Variants in CORO1B observed in about 807,000 individuals in gnomAD.
CORO1B encodes the protein coronin-1B.
A neutral mutation model predicts 51.1 loss-of-function variants in CORO1B; 30 were observed. That is an observed-to-expected ratio of 0.59 (90% CI 0.44 to 0.80). The LOEUF (loss-of-function observed/expected upper bound fraction) is 0.80, where lower values mean the gene tolerates loss of function less well. Ranked by LOEUF, CORO1B falls within the 30% of genes least tolerant of loss-of-function variation. The pLI is 0.00. For missense variants in CORO1B, 648 were observed against 700.4 expected (o/e 0.93, Z 0.84); for synonymous variants, 310 against 289.7 (o/e 1.07, Z -0.71).
intron 1 of CORO1B, 50 bp downstream of exon 1, chr11:67,443,354 C>T (rs1864434221): frequency 2.1e-6 from 1 of 476,662 alleles, no homozygotes; most frequent in Non-Finnish European, 2.7e-6. Context: ...CCCCTGCAGC[C>T]CCGCCCAGCC....
chr11:67,442,382 G>A lies in CORO1B; in HGVS notation c.201+46C>T, dbSNP rs767953020. ...CAAGGTGTGCAGAAAGGCCCAGTAG[G>A]GGTGGCCGAGGTGCCTCCTCTTCCC... On this transcript the variant is annotated intron_variant, in intron 2 of 10. Transcript: ENST00000341356. 3 of 1,584,230 alleles carry A rather than the reference G, an allele frequency of 1.9e-6. No homozygotes were observed. The East Asian group carries it at 6.7e-5, about 35-fold the overall frequency.
At chr11:67,442,219 G>C (rs928951167) in intron 2 of CORO1B, 131 bp from the exon 3 acceptor site, 50 of 1,469,536 alleles carry the variant, frequency 3.4e-5, no homozygotes, top group Non-Finnish European at 4.6e-5. Context: ...CCACTTGCCA[G>C]GTGAGCAGGA....
rs1001510902 is a variant in CORO1B, at chr11:67,437,490, C to T, written c.*886G>A. ...AGAGAAAGGTTCAGCCTCTGCCATA[C>T]TCCTCTTAGGTCTCACCTCTTCCCT... On this transcript the variant is annotated 3_prime_UTR_variant, in exon 11 of 11. Transcript: ENST00000341356. 5 of 1,136,898 alleles carry T rather than the reference C, an allele frequency of 4.4e-6. No homozygotes were observed. The highest frequency in any genetic ancestry group is 1.6e-5 in the African/African-American group (1 of 62,792). 70.4% of individuals were successfully genotyped at this position (1,136,898 alleles called of 1,614,324 possible). A position where few individuals can be genotyped will look rare whatever the true frequency, so the allele number is the denominator to read the frequency against.
chr11:67,439,884 C>G, intron 8 of CORO1B, 41 bp from the exon 9 acceptor site: 6 of 1,513,638 alleles, frequency 4.0e-6, no homozygotes, highest in Non-Finnish European at 5.4e-6. Flanking sequence ...ACCCTCACCG[C>G]CCCCCCCACC....
intron 3 of CORO1B, 51 bp downstream of exon 3, chr11:67,441,915 G>T (rs769482342): frequency 1.9e-6 from 3 of 1,612,936 alleles, no homozygotes; most frequent in East Asian, 2.2e-5. Flanking sequence ...CCTATTGCTG[G>T]CCCCCTTCGG....
In CORO1B at chr11:67,435,657, C is replaced by CCA; in HGVS notation, c.*2717_*2718dup. 2 of 1,491,662 alleles carry CCA rather than the reference C, an allele frequency of 1.3e-6. No homozygotes were observed. The highest frequency in any genetic ancestry group is 4.6e-5 in the Admixed American group (2 of 43,112). 92.4% of individuals were successfully genotyped at this position (1,491,662 alleles called of 1,614,324 possible). A position where few individuals can be genotyped will look rare whatever the true frequency, so the allele number is the denominator to read the frequency against. ...TGGTCATGTGGGCTGGGGGTCCAGT[C>CCA]CAGCCATGGCATCTTGGGAAGCAGA... is the stretch of plus-strand genomic sequence containing the variant. On this transcript the variant is annotated 3_prime_UTR_variant, in exon 11 of 11. Coordinates refer to ENST00000341356, the MANE Select transcript of CORO1B (RefSeq NM_020441.3).
chr11:67,440,067 C>T (rs370611271), intron 8 of CORO1B, 51 bp downstream of exon 8: 97 of 1,564,172 alleles, frequency 6.2e-5, no homozygotes, highest in Non-Finnish European at 7.9e-5. Flanking sequence ...AATGACCTGA[C>T]CTCTCACCTT....
intron 9 of CORO1B, 40 bp from the exon 10 acceptor site, chr11:67,438,989 C>T: frequency 6.4e-7 from 1 of 1,560,372 alleles, no homozygotes; most frequent in Non-Finnish European, 8.7e-7. Context: ...AGTTAGGAGG[C>T]CCCATCAGGG....
intron 9 of CORO1B, among the ~76,000 whole-genome samples, chr11:67,439,293 G>A (rs777929192): frequency 1.3e-5 from 2 of 152,190 alleles, no homozygotes; most frequent in African/African-American, 2.4e-5. Flanking sequence ...AAGAGCAGTC[G>A]GCAAATGCTG....
chr11:67,442,041 TCCCGTGTG>T lies in CORO1B; in HGVS notation c.241_248del (p.His81ThrfsTer94), dbSNP rs1347140790. 6.2e-7 allele frequency: 1 copy of T among 1,613,114 alleles called. No individual in the cohort carries two copies. Among genetic ancestry groups the T allele is most frequent in the South Asian group, 1.1e-5 (1 of 91,080 alleles). On this transcript the variant is annotated frameshift_variant, in exon 3 of 11. Coordinates refer to ENST00000341356, the MANE Select transcript of CORO1B (RefSeq NM_020441.3). LOFTEE classifies it high-confidence loss of function. ...GACACCAGTCGATGTCCAGGACAGGTCCCGTGTGCCCACACACCGTCGGGTAGGCCTTG... is the reference window on the plus strand; with the variant it reads ...GACACCAGTCGATGTCCAGGACAGGTCCCACACACCGTCGGGTAGGCCTTG...
intron 1 of CORO1B, 44 bp from the exon 2 acceptor site, chr11:67,442,674 A>AG: frequency 6.3e-7 from 1 of 1,577,640 alleles, no homozygotes. Flanking sequence ...CATCCCAACA[A>AG]CTCCAGCCCT....
chr11:67,441,698 G>GA, intron 4 of CORO1B, 35 bp downstream of exon 4: 1 of 1,491,202 alleles, frequency 6.7e-7, no homozygotes, highest in Non-Finnish European at 9.2e-7. Context: ...GGGGTCCGTG[G>GA]GGGGGGGGAG....
In CORO1B at chr11:67,436,668, T is replaced by A. The variant is rs1864289676; in HGVS notation, c.*1708A>T. ...CCATCCTCCCCTCCCCCGGGCTGCATGGCCTGCTCACCGTGCTCAAACTTC... is the reference window on the plus strand; with the variant it reads ...CCATCCTCCCCTCCCCCGGGCTGCAAGGCCTGCTCACCGTGCTCAAACTTC... On this transcript the variant is annotated 3_prime_UTR_variant, in exon 11 of 11. Coordinates refer to ENST00000341356, the MANE Select transcript of CORO1B (RefSeq NM_020441.3). 1 of 301,602 alleles carries A rather than the reference T, an allele frequency of 3.3e-6. No homozygotes were observed. Among genetic ancestry groups the A allele is most frequent in the East Asian group, 5.9e-5 (1 of 17,056 alleles). The allele number at this position is 301,602 out of a possible 1,614,324, so 18.7% of individuals were successfully genotyped here.
chr11:67,441,033 A>G (rs1590986973), intron 6 of CORO1B, 92 bp downstream of exon 6: 1 of 1,580,112 alleles, frequency 6.3e-7, no homozygotes, highest in Non-Finnish European at 8.7e-7. Flanking sequence ...CAGAGAAGCT[A>G]GGAACCACAG....
intron 6 of CORO1B, 87 bp downstream of exon 6, chr11:67,441,038 C>T: frequency 6.3e-7 from 1 of 1,595,696 alleles, no homozygotes; most frequent in Non-Finnish European, 8.6e-7. Flanking sequence ...AAGCTAGGAA[C>T]CACAGGCCTC....
At position 67,436,516 on chromosome 11, in the gene CORO1B, C is replaced by G. The variant is rs1864284133; in HGVS notation, c.*1860G>C. The G allele has an allele frequency of 9.1e-6, 7 of 771,242 alleles. No individual in the cohort carries two copies. In the South Asian group the frequency reaches 1.7e-4, roughly 19 times the overall value. The allele number at this position is 771,242 out of a possible 1,614,324, so 47.8% of individuals were successfully genotyped here. ...TTATTTGGTCAACCAGGCTCTGGCC[C>G]TGTGAGATCAGCCCCCATCCCTCCA... On this transcript the variant is annotated 3_prime_UTR_variant, in exon 11 of 11. Coordinates refer to ENST00000341356, the MANE Select transcript of CORO1B (RefSeq NM_020441.3).
intron 4 of CORO1B, 59 bp downstream of exon 4, chr11:67,441,674 C>T: frequency 6.9e-7 from 1 of 1,447,160 alleles, no homozygotes. Flanking sequence ...GGAGGGGCTG[C>T]TGGGATGTAT....
In CORO1B at chr11:67,436,400, C is replaced by T; in HGVS notation, c.*1976G>A. The stretch of plus-strand genomic sequence containing the variant: ...GAGGGCTCAGCACCTGGGGTGGGGC[C>T]TGGTGTGGGGCAGGCTGGGTGACCA... On this transcript the variant is annotated 3_prime_UTR_variant, in exon 11 of 11. Transcript: ENST00000341356. 7.0e-7 allele frequency: 1 copy of T among 1,424,984 alleles called. No homozygotes were observed. Among genetic ancestry groups the T allele is most frequent in the Non-Finnish European group, 9.1e-7 (1 of 1,093,706 alleles). 88.3% of individuals were successfully genotyped at this position (1,424,984 alleles called of 1,614,324 possible). A position where few individuals can be genotyped will look rare whatever the true frequency, so the allele number is the denominator to read the frequency against.
In CORO1B at chr11:67,441,798, C is replaced by T; in HGVS notation, c.389G>A (p.Gly130Glu). 6.2e-7 allele frequency: 1 copy of T among 1,613,050 alleles called. No individual in the cohort carries two copies. Among genetic ancestry groups the T allele is most frequent in the South Asian group, 1.1e-5 (1 of 91,084 alleles). The stretch of plus-strand genomic sequence containing the variant: ...GATGATGCCCACTCGCTTGGTGTGC[C>T]CCTCCAGTACCACCACCGGCTCTGT... ...PLTEPVVVLE[G>E]HTKRVGIIAW... The change falls in exon 4 of 11, where the codon GGG (glycine) becomes GAG (glutamate). Residue 130 changes from glycine (G) to glutamate (E), a missense_variant. By Grantham distance (98) the Gly-to-Glu change is moderately conservative. Coordinates refer to ENST00000341356, the MANE Select transcript of CORO1B (RefSeq NM_020441.3).
Sources: allele counts gnomAD v4.1 joint callset (sites outside exome capture counted in the v4.1 genomes callset), GRCh38; gene constraint gnomAD v4.1.1; transcripts MANE v1.5; gene names NCBI Gene and HGNC (gene_info 2026-07-23, HGNC 2026-07-21).